Variants in SNAPC5 observed in about 807,000 individuals in gnomAD.
SNAPC5 encodes snRNA-activating protein complex subunit 5.
In SNAPC5, 12 loss-of-function variants were observed where a neutral mutation model predicts 9.1. That is an observed-to-expected ratio of 1.32 (90% CI 0.85 to 2.15). The LOEUF (loss-of-function observed/expected upper bound fraction) is 2.15. SNAPC5 is among the 30% of genes most tolerant of loss of function. The pLI, the probability that SNAPC5 is intolerant of heterozygous loss-of-function variation, is 0.00. For synonymous variants in SNAPC5, 52 were observed against 47.3 expected, an observed-to-expected ratio of 1.10 and a Z score of -0.41; for missense variants, 132 against 114.4, an observed-to-expected ratio of 1.15 and a Z score of -0.70.
downstream of SNAPC5, chr15:66,491,373 A>G: frequency 4.3e-6 from 1 of 232,844 alleles, no homozygotes; most frequent in Non-Finnish European, 8.5e-6. Context: ...AGATATTAAA[A>G]TGTCGGATTT....
downstream of SNAPC5, among the ~76,000 whole-genome samples, chr15:66,492,658 T>C (rs79252091): frequency 0.02 from 3,078 of 152,238 alleles, 101 homozygotes; most frequent in African/African-American, 0.07. Flanking sequence ...CTGACCACTT[T>C]CATGCTCAGT....
rs776432926 is a variant in SNAPC5, at chr15:66,497,630, C to T, written c.90+12G>A. 1.2e-6 allele frequency: 2 copies of T among 1,613,024 alleles called. No homozygotes were observed. The highest frequency in any genetic ancestry group is 1.7e-5 in the Admixed American group (1 of 59,990). ...GGAATGGAGGAGGGGCAGGAGAGGG[C>T]CGCGGGGTCACCTTGAGGCGGTTCA... On this transcript the variant is annotated intron_variant, in intron 1 of 2. Coordinates refer to ENST00000316634, the MANE Select transcript of SNAPC5 (RefSeq NM_001329615.2).
downstream of SNAPC5, among the ~76,000 whole-genome samples, chr15:66,492,534 C>T (rs529476516): frequency 6.8e-3 from 646 of 95,502 alleles, 6 homozygotes; most frequent in African/African-American, 0.019. Context: ...TTAACATTTA[C>T]ACTGTGTGTC....
chr15:66,490,183 G>A (rs183612508), downstream of SNAPC5: 234 of 526,376 alleles, frequency 4.4e-4, no homozygotes, highest in African/African-American at 3.2e-3. Context: ...GGTGTATATA[G>A]TATATAATAT....
downstream of SNAPC5, chr15:66,489,829 C>T: frequency 7.6e-7 from 1 of 1,318,676 alleles, no homozygotes; most frequent in Non-Finnish European, 1.1e-6. Flanking sequence ...TGTCAGTCAT[C>T]TGTGCAGTAC....
At chr15:66,491,246 T>C, downstream of SNAPC5, 2 of 239,010 alleles carry the variant, frequency 8.4e-6, no homozygotes, top group Non-Finnish European at 1.7e-5. Flanking sequence ...TGTAGACTTC[T>C]GGTTGTATTT....
At position 66,497,243 on chromosome 15, in the gene SNAPC5, C is replaced by T. The variant is rs190578973; in HGVS notation, c.90+399G>A. On this transcript the variant is annotated intron_variant, in intron 1 of 2. Transcript: ENST00000316634. ...GGCAAAACTAGAGCATTTCAAGCGC[C>T]AAAACAAACTAGAAAACAGCAGCTC... Among the ~76,000 whole-genome samples, 5 of 152,222 alleles carry T rather than the reference C, an allele frequency of 3.3e-5. No homozygotes were observed. In the East Asian group the frequency reaches 9.7e-4, roughly 29 times the overall value.
downstream of SNAPC5, chr15:66,489,795 C>A (rs1240173022): frequency 1.3e-6 from 2 of 1,563,696 alleles, no homozygotes; most frequent in Non-Finnish European, 1.8e-6. Context: ...TCTTACAGTA[C>A]CTGTTTATTC....
downstream of SNAPC5, chr15:66,492,401 T>TATACATTGTTGTATATA (rs147318527): frequency 0.056 from 11,352 of 201,292 alleles, 475 homozygotes; most frequent in Middle Eastern, 0.093. Context: ...AAAAAAATGA[T>TATACATTGTTGTATATA]CAGTGTTGTA....
At chr15:66,495,492 A>G (rs180815489) in intron 1 of SNAPC5, 73 bp from the exon 2 acceptor site, 23 of 812,138 alleles carry the variant, frequency 2.8e-5, no homozygotes, top group Admixed American at 5.3e-5. Context: ...ACTGCTGGGC[A>G]CACTATGAAA....
intron 1 of SNAPC5, among the ~76,000 whole-genome samples, chr15:66,495,735 C>G (rs1474399074): frequency 4.0e-5 from 6 of 151,836 alleles, no homozygotes; most frequent in Admixed American, 6.6e-5. Flanking sequence ...TCTGATTCCT[C>G]AGAGAGAGAG....
At chr15:66,490,094 G>A, downstream of SNAPC5, 1 of 532,262 alleles carries the variant, frequency 1.9e-6, no homozygotes, top group East Asian at 3.3e-5. Context: ...TCCTTCCAGA[G>A]TCACTCTCCG....
At chr15:66,494,870 C>CA in intron 2 of SNAPC5, 1 of 331,346 alleles carries the variant, frequency 3.0e-6, no homozygotes, top group Non-Finnish European at 5.6e-6. Flanking sequence ...GAGAACTGCT[C>CA]AAATATTGTG....
Position 66,494,365 on chromosome 15 carries a change from C to G in SNAPC5, c.*71G>C, listed in dbSNP as rs528825689. The G allele has an allele frequency of 2.0e-6, 2 of 1,014,026 alleles. No individual in the cohort carries two copies. Among genetic ancestry groups the G allele is most frequent in the African/African-American group, 3.1e-5 (2 of 63,746 alleles). 62.8% of individuals were successfully genotyped at this position (1,014,026 alleles called of 1,614,324 possible). On this transcript the variant is annotated 3_prime_UTR_variant, in exon 3 of 3. Coordinates refer to ENST00000316634, the MANE Select transcript of SNAPC5 (RefSeq NM_001329615.2). ...CACAGGGCCCAGGGCAAGATGATTTCCTTGAGGAGAAGTAGCCTGAGCCTT... is the reference window on the plus strand; with the variant it reads ...CACAGGGCCCAGGGCAAGATGATTTGCTTGAGGAGAAGTAGCCTGAGCCTT...
chr15:66,490,452 GTT>G (rs756730939), downstream of SNAPC5: 1 of 1,384,602 alleles, frequency 7.2e-7, no homozygotes, highest in Admixed American at 1.7e-5. Flanking sequence ...GGTGGGTTTT[GTT>G]TTTTTGTTTC....
rs543341390 is a variant in SNAPC5, at chr15:66,493,715, C to G, written c.*721G>C. 17 of 152,338 alleles carry G rather than the reference C, an allele frequency of 1.1e-4. No homozygotes were observed. Among genetic ancestry groups the G allele is most frequent in the African/African-American group, 3.8e-4 (16 of 41,582 alleles). The allele number at this position is 152,338 out of a possible 1,614,324, so 9.4% of individuals were successfully genotyped here. ...AGTCTTCCAAGCATGGCACATCTCT[C>G]TTAAGGACCAGAAATGGATTTCAAA... On this transcript the variant is annotated 3_prime_UTR_variant, in exon 3 of 3. Transcript: ENST00000316634.
rs1273731508 is a variant in SNAPC5 at position 66,494,569 on chromosome 15, C to T, written c.181-17G>A. ...CACCAACATCTGTATTGGCCAAGGG[C>T]ATCACAGATTAGCAGGAAAGATGCT... On this transcript the variant is annotated splice_polypyrimidine_tract_variant and intron_variant, in intron 2 of 2. Transcript: ENST00000316634. 3 of 1,567,130 alleles carry T rather than the reference C, an allele frequency of 1.9e-6. No individual in the cohort carries two copies. The highest frequency in any genetic ancestry group is 3.4e-5 in the Admixed American group (2 of 58,504).
downstream of SNAPC5, chr15:66,489,813 C>T (rs775946557): frequency 5.4e-6 from 8 of 1,469,240 alleles, no homozygotes; most frequent in East Asian, 2.3e-5. Flanking sequence ...TTCATTTGTT[C>T]TTCTCTGTCA....
chr15:66,489,842 C>A (rs963136987), downstream of SNAPC5: 4 of 1,225,198 alleles, frequency 3.3e-6, no homozygotes, highest in South Asian at 1.2e-5. Flanking sequence ...TGCAGTACTT[C>A]CAGAGCCCAT....
Sources: gnomAD v4.1 joint callset for allele counts (sites outside exome capture counted in the v4.1 genomes callset) on GRCh38, gnomAD v4.1.1 for gene constraint, MANE v1.5 for transcripts, NCBI Gene and HGNC (gene_info 2026-07-23, HGNC 2026-07-21) for gene names.